Variants in CHN2 observed in about 807,000 individuals in gnomAD.
CHN2 encodes chimerin 2, also known as beta-chimaerin.
A neutral mutation model predicts 56.3 loss-of-function variants in CHN2; 35 were observed. The observed-to-expected ratio is 0.62, with a 90% CI of 0.47 to 0.82. The LOEUF is 0.82. CHN2 is among the 40% of genes least tolerant of loss of function. CHN2 has a pLI of 0.00. For missense variants in CHN2, 491 were observed against 580.5 expected (o/e 0.85, Z 1.58); for synonymous variants, 210 against 212.8 (o/e 0.99, Z 0.12).
intron 6 of CHN2, among the ~76,000 whole-genome samples, chr7:29,462,466 AG>A: frequency 6.6e-6 from 1 of 152,284 alleles, no homozygotes; most frequent in East Asian, 1.9e-4. Context: ...CAAAGTCTTG[AG>A]GGGAACTCAA....
intron 2 of CHN2, among the ~76,000 whole-genome samples, chr7:29,149,807 T>C (rs1412897974): frequency 6.6e-6 from 1 of 152,154 alleles, no homozygotes; most frequent in Non-Finnish European, 1.5e-5. Context: ...GCTTTCTCTC[T>C]GTGTCTTTTC....
At chr7:29,506,463 C>T (rs1790577259) in intron 10 of CHN2, among the ~76,000 whole-genome samples, 1 of 151,870 alleles carries the variant, frequency 6.6e-6, no homozygotes, top group Non-Finnish European at 1.5e-5. Context: ...ATAGTGAAAC[C>T]CCCTCTCTAC....
At chr7:29,313,536 C>T (rs1221517087) in intron 1 of CHN2, among the ~76,000 whole-genome samples, 2 of 152,188 alleles carry the variant, frequency 1.3e-5, no homozygotes, top group African/African-American at 2.4e-5. Flanking sequence ...CTCTGCTGAG[C>T]TCTCTGTTGC....
chr7:29,222,658 A>T (rs1436602536), intron 1 of CHN2, among the ~76,000 whole-genome samples: 2 of 152,208 alleles, frequency 1.3e-5, no homozygotes, highest in Non-Finnish European at 2.9e-5. Context: ...GGATTAGAGG[A>T]TTGTAAAGAT....
intron 1 of CHN2, among the ~76,000 whole-genome samples, chr7:29,305,331 T>A (rs1001095885): frequency 6.6e-6 from 1 of 152,186 alleles, no homozygotes; most frequent in South Asian, 2.1e-4. Context: ...CCATTACGTA[T>A]GAATAAAAGA....
intron 1 of CHN2, 95 bp from the exon 2 acceptor site, chr7:29,354,530 T>C: frequency 9.2e-7 from 1 of 1,084,748 alleles, no homozygotes; most frequent in Non-Finnish European, 1.4e-6. Context: ...CGCATGCAAG[T>C]ACTGTGGACA....
At chr7:29,300,874 A>C (rs1793607101) in intron 1 of CHN2, among the ~76,000 whole-genome samples, 1 of 152,218 alleles carries the variant, frequency 6.6e-6, no homozygotes. Flanking sequence ...TTATCTCGTA[A>C]AACATGATAT....
intron 2 of CHN2, among the ~76,000 whole-genome samples, chr7:29,148,303 T>C (rs1025786179): frequency 2.0e-5 from 3 of 152,122 alleles, no homozygotes; most frequent in African/African-American, 7.2e-5. Context: ...CTAAACTGAA[T>C]TTTACAGTAA....
chr7:29,268,044 C>T (rs1790285205), intron 1 of CHN2, among the ~76,000 whole-genome samples: 1 of 152,066 alleles, frequency 6.6e-6, no homozygotes, highest in Admixed American at 6.6e-5. Flanking sequence ...ACTTCCTGTA[C>T]CCAGCATATT....
At chr7:29,438,804 T>G (rs554252519) in intron 6 of CHN2, among the ~76,000 whole-genome samples, 2 of 152,356 alleles carry the variant, frequency 1.3e-5, no homozygotes, top group South Asian at 4.1e-4. Context: ...AGATAGCCAT[T>G]ACTGGTTGAT....
intron 1 of CHN2, among the ~76,000 whole-genome samples, chr7:29,218,605 A>G (rs992802872): frequency 1.3e-5 from 2 of 152,154 alleles, no homozygotes; most frequent in Admixed American, 6.5e-5. Context: ...TATATACACC[A>G]TGGAATACTA....
At chr7:29,266,699 A>C (rs1377758014) in intron 1 of CHN2, among the ~76,000 whole-genome samples, 1 of 152,250 alleles carries the variant, frequency 6.6e-6, no homozygotes, top group East Asian at 1.9e-4. Flanking sequence ...AAAGTGGAGC[A>C]AGATTTTGAA....
rs919717605 is a variant in CHN2 at position 29,299,761 on chromosome 7, G to A, written c.50-54864G>A. Among the ~76,000 whole-genome samples the A allele has an allele frequency of 2.0e-5, 3 of 152,134 alleles. No homozygotes were observed. In the East Asian group the frequency reaches 5.8e-4, roughly 29 times the overall value. The stretch of plus-strand genomic sequence containing the variant: ...TCCATTGAGCTTCTATTAAGTAGAA[G>A]GCATGGAATACTGAGCTAGAAACAC... On this transcript the variant is annotated intron_variant, in intron 1 of 12. Coordinates refer to ENST00000222792, the MANE Select transcript of CHN2 (RefSeq NM_004067.4).
In CHN2 at chr7:29,240,732, G is replaced by C. The variant is rs1200433158; in HGVS notation, c.49+45742G>C. Among the ~76,000 whole-genome samples the C allele has an allele frequency of 2.7e-5, 4 of 149,390 alleles. No homozygotes were observed. The East Asian group carries it at 7.7e-4, about 29-fold the overall frequency. ...GGGTGGGGGGCGGTGGGGAGTGGGA[G>C]GGCTGTCAAACAAGGTGTGGTGTTG... On this transcript the variant is annotated intron_variant, in intron 1 of 12. Coordinates refer to ENST00000222792, the MANE Select transcript of CHN2 (RefSeq NM_004067.4).
chr7:29,372,886 A>G (rs534846204), intron 3 of CHN2, among the ~76,000 whole-genome samples: 1 of 152,318 alleles, frequency 6.6e-6, no homozygotes, highest in East Asian at 1.9e-4. Flanking sequence ...AATAAGCAGA[A>G]GTTCTTTTGT....
chr7:29,191,331 A>G (rs1283771169), upstream of CHN2, among the ~76,000 whole-genome samples: 2 of 152,242 alleles, frequency 1.3e-5, no homozygotes, highest in Admixed American at 6.5e-5. Flanking sequence ...TAGATGGACT[A>G]GAGAAATCCA....
At chr7:29,373,175 A>G (rs1211926168) in intron 3 of CHN2, among the ~76,000 whole-genome samples, 3 of 151,674 alleles carry the variant, frequency 2.0e-5, no homozygotes, top group African/African-American at 7.3e-5. Context: ...GGCAGTGGCC[A>G]ATCTTTTTTT....
chr7:29,309,331 T>A (rs1794409812), intron 1 of CHN2, among the ~76,000 whole-genome samples: 2 of 152,148 alleles, frequency 1.3e-5, no homozygotes, highest in Non-Finnish European at 1.5e-5. Context: ...TTGGGTTGAT[T>A]AATTCTGCTC....
chr7:29,369,340 G>C (rs964294102), intron 3 of CHN2, among the ~76,000 whole-genome samples: 10 of 152,062 alleles, frequency 6.6e-5, no homozygotes, highest in Non-Finnish European at 5.9e-5. Context: ...TTAATAAAAA[G>C]ACACTGGGCA....
Sources: allele counts gnomAD v4.1 joint callset (sites outside exome capture counted in the v4.1 genomes callset), GRCh38; gene constraint gnomAD v4.1.1; transcripts MANE v1.5; gene names NCBI Gene and HGNC (gene_info 2026-07-23, HGNC 2026-07-21).